RIPK4: variants seen among roughly 807,000 people sequenced by gnomAD.
RIPK4 encodes the protein receptor interacting serine/threonine kinase 4.
Under a neutral mutation model 42.9 loss-of-function variants are expected in RIPK4, and 17 were observed. The ratio of observed to expected loss-of-function variants is 0.40; its 90% confidence interval spans 0.27 to 0.59. The LOEUF is 0.59. Among genes scored for constraint, RIPK4 ranks in the 20% least tolerant of loss-of-function variants. The pLI is 0.47. For synonymous variants in RIPK4, 498 were observed against 499.1 expected, an observed-to-expected ratio of 1.00 and a Z score of 0.03; for missense variants, 897 against 1,104.4, an observed-to-expected ratio of 0.81 and a Z score of 2.66.
At chr21:41,761,651 A>AT (rs1035215405) in intron 1 of RIPK4, among the ~76,000 whole-genome samples, 3 of 152,180 alleles carry the variant, frequency 2.0e-5, no homozygotes, top group African/African-American at 7.2e-5. Flanking sequence ...CGCAAGGGTC[A>AT]TTTTTCCACA....
intron 1 of RIPK4, 84 bp downstream of exon 1, chr21:41,766,776 A>G: frequency 7.1e-7 from 1 of 1,399,474 alleles, no homozygotes. Flanking sequence ...CGGGAGAGAG[A>G]GGCAGGACCC....
rs774933292 is a variant in RIPK4 at position 41,766,934 on chromosome 21, C to A, written c.108G>T (p.Val36=). 1.2e-6 allele frequency: 2 copies of A among 1,610,248 alleles called. No homozygotes were observed. Among genetic ancestry groups the A allele is most frequent in the South Asian group, 2.2e-5 (2 of 90,998 alleles). The part of the protein sequence containing the change: ...EKVGSGGFGQ[V]YKVRHVHWKT... The stretch of plus-strand genomic sequence containing the variant: ...TCCAGTGGACATGGCGCACCTTGTA[C>A]ACCTGCCCGAAGCCGCCCGAGCCCA... The change falls in exon 1 of 8, where the codon GTG becomes GTT. Residue 36 remains valine, a synonymous_variant. Transcript: ENST00000332512.
chr21:41,756,808 A>G lies in RIPK4; in HGVS notation c.191T>C (p.Met64Thr), dbSNP rs759754394. Residue 64 changes from methionine to threonine, a missense_variant, in exon 2 of 8, where the codon ATG (methionine) becomes ACG (threonine). Met to Thr is a moderately conservative substitution (Grantham distance 81, BLOSUM62 -1). Transcript: ENST00000332512. ...CTTCTTGGCTTCTTCCAAAAGCTCC[A>G]TGCGCTCCCTGAAAAAGTTCAAAGG... Reference protein sequence around the residue: ...PSLHVDDRERMELLEEAKKME... With the variant: ...PSLHVDDRERTELLEEAKKME... The G allele has an allele frequency of 5.6e-6, 9 of 1,611,682 alleles. No homozygotes were observed. The East Asian group carries it at 1.3e-4, about 24-fold the overall frequency.
Position 41,756,157 on chromosome 21 carries a change from C to A in RIPK4, c.474+368G>T, listed in dbSNP as rs543373629. ...GGAAATGCGTCCCTTTGTTGCAGAGCCTAAGGTCTCGCAAGGACACACCTG... is the reference window on the plus strand; with the variant it reads ...GGAAATGCGTCCCTTTGTTGCAGAGACTAAGGTCTCGCAAGGACACACCTG... On this transcript the variant is annotated intron_variant, in intron 2 of 7. Coordinates refer to ENST00000332512, the MANE Select transcript of RIPK4 (RefSeq NM_020639.3). Among the ~76,000 whole-genome samples, 12 of 152,292 alleles carry A rather than the reference C, an allele frequency of 7.9e-5. No homozygotes were observed. The South Asian group carries it at 8.3e-4, about 11-fold the overall frequency.
chr21:41,757,907 G>A (rs2061208698), intron 1 of RIPK4, among the ~76,000 whole-genome samples: 1 of 145,848 alleles, frequency 6.9e-6, no homozygotes, highest in African/African-American at 2.6e-5. Flanking sequence ...GCTGAAACAG[G>A]AGAATCACTT....
At chr21:41,763,067 G>T (rs35323584) in intron 1 of RIPK4, among the ~76,000 whole-genome samples, 2 of 152,158 alleles carry the variant, frequency 1.3e-5, no homozygotes, top group Non-Finnish European at 2.9e-5. Flanking sequence ...TGGTGAAAGC[G>T]TTGCTAATTC....
At chr21:41,754,439 C>A (rs1345200804) in intron 2 of RIPK4, among the ~76,000 whole-genome samples, 4 of 152,232 alleles carry the variant, frequency 2.6e-5, no homozygotes, top group Non-Finnish European at 4.4e-5. Context: ...ACACAGGGCC[C>A]TAAGATGTCC....
rs924999289 is a variant in RIPK4, at chr21:41,742,643, G to A, written c.1196-646C>T. On this transcript the variant is annotated intron_variant, in intron 7 of 7. Coordinates refer to ENST00000332512, the MANE Select transcript of RIPK4 (RefSeq NM_020639.3). This position sits in a 1 kb window ranked among gnomAD's most constrained non-coding sequence, Gnocchi z 5.1. ...GCCTGGAATGCTGAAACCCTGCAAC[G>A]AGACTCTCCTCCGCCCTCATGTGAA... is the stretch of plus-strand genomic sequence containing the variant. Among the ~76,000 whole-genome samples the A allele has an allele frequency of 6.6e-6, 1 of 152,188 alleles. No homozygotes were observed. Among genetic ancestry groups the A allele is most frequent in the Non-Finnish European group, 1.5e-5 (1 of 68,038 alleles).
At chr21:41,748,118 C>A (rs1018972569) in intron 4 of RIPK4, among the ~76,000 whole-genome samples, 1 of 152,220 alleles carries the variant, frequency 6.6e-6, no homozygotes, top group African/African-American at 2.4e-5. Context: ...AGGCGACAGG[C>A]GGTCAGACAA....
chr21:41,761,179 G>A (rs1213595934), intron 1 of RIPK4, among the ~76,000 whole-genome samples: 1 of 152,184 alleles, frequency 6.6e-6, no homozygotes, highest in Non-Finnish European at 1.5e-5. Context: ...AGGAAGACGA[G>A]GACCTGATGC....
At position 41,755,761 on chromosome 21, in the gene RIPK4, G is replaced by C. The variant is rs558981612; in HGVS notation, c.474+764C>G. 6.6e-6 allele frequency among the ~76,000 whole-genome samples: 1 copy of C among 152,134 alleles called. No homozygotes were observed. On this transcript the variant is annotated intron_variant, in intron 2 of 7. Transcript: ENST00000332512. The surrounding 1 kb of genome is among the most constrained non-coding windows in gnomAD (Gnocchi z 4.2). ...ACCACGTGGGGAAAAACTACAACGC[G>C]CCAGGTGTAACCACCACATGTCAAC...
intron 4 of RIPK4, 106 bp downstream of exon 4, chr21:41,749,048 G>T: frequency 8.6e-7 from 1 of 1,166,558 alleles, no homozygotes; most frequent in Non-Finnish European, 1.3e-6. Flanking sequence ...ACCTATGGCA[G>T]CGTGGATCAC....
intron 1 of RIPK4, 117 bp downstream of exon 1, chr21:41,766,743 C>G: frequency 1.8e-6 from 2 of 1,125,548 alleles, no homozygotes; most frequent in Non-Finnish European, 1.2e-6. Context: ...GTTTCCCCCC[C>G]GAAGCTGCTC....
rs552178423 is a variant in RIPK4 at position 41,745,918 on chromosome 21, C to T, written c.833-56G>A. Reference sequence around the variant, plus strand: ...GGATGATGACTTCTGCGTACACACGCGTTCCATATAAACGCAGGGCCCCCA... The same window carrying T: ...GGATGATGACTTCTGCGTACACACGTGTTCCATATAAACGCAGGGCCCCCA... On this transcript the variant is annotated intron_variant, in intron 5 of 7. Coordinates refer to ENST00000332512, the MANE Select transcript of RIPK4 (RefSeq NM_020639.3). The T allele has an allele frequency of 2.4e-4, 325 of 1,376,588 alleles. No individual in the cohort carries two copies. In the Middle Eastern group the frequency reaches 2.8e-3, roughly 12 times the overall value. The allele number at this position is 1,376,588 out of a possible 1,614,324, so 85.3% of individuals were successfully genotyped here. A position where few individuals can be genotyped will look rare whatever the true frequency, so the allele number is the denominator to read the frequency against.
intron 2 of RIPK4, among the ~76,000 whole-genome samples, chr21:41,754,731 AC>A (rs1047458274): frequency 2.2e-4 from 31 of 141,106 alleles, no homozygotes; most frequent in African/African-American, 8.3e-4. Context: ...GAGCACTCCC[AC>A]CCCCTCCCAC....
At chr21:41,766,237 G>C (rs1186686457) in intron 1 of RIPK4, among the ~76,000 whole-genome samples, 1 of 152,198 alleles carries the variant, frequency 6.6e-6, no homozygotes, top group East Asian at 1.9e-4. Context: ...CCGAGCCCCG[G>C]AGCTCCACCG....
Position 41,741,432 on chromosome 21 carries a change from C to A in RIPK4, c.1761G>T (p.Lys587Asn). Residue 587 changes from lysine (K) to asparagine (N), a missense_variant, in exon 8 of 8, where the codon AAG becomes AAT. Transcript: ENST00000332512. Reference sequence around the variant, plus strand: ...TCACCCCCGGCTGCTTGGCCAGCAGCTTGACGATGGGCAGGTGGCCCTGCC... The same window carrying A: ...TCACCCCCGGCTGCTTGGCCAGCAGATTGACGATGGGCAGGTGGCCCTGCC... ...AAWQGHLPIVKLLAKQPGVSV... is the reference protein window; with the variant it reads ...AAWQGHLPIVNLLAKQPGVSV... The A allele has an allele frequency of 6.2e-7, 1 of 1,612,926 alleles. No individual in the cohort carries two copies. Among genetic ancestry groups the A allele is most frequent in the Non-Finnish European group, 8.5e-7 (1 of 1,179,942 alleles).
chr21:41,746,303 C>T (rs2061171031), intron 5 of RIPK4: 1 of 593,502 alleles, frequency 1.7e-6, no homozygotes, highest in Non-Finnish European at 3.0e-6. Flanking sequence ...AGGTAAGTCC[C>T]CGGGAAGAGC....
chr21:41,760,853 A>G (rs1420155394), intron 1 of RIPK4, among the ~76,000 whole-genome samples: 2 of 152,212 alleles, frequency 1.3e-5, no homozygotes, highest in East Asian at 3.9e-4. Context: ...AGTATCAGGA[A>G]TGAACGTGAA....
Sources: allele counts gnomAD v4.1 joint callset (sites outside exome capture counted in the v4.1 genomes callset), GRCh38; gene constraint gnomAD v4.1.1; non-coding constraint Gnocchi (gnomAD v3.1); transcripts MANE v1.5; gene names NCBI Gene and HGNC (gene_info 2026-07-23, HGNC 2026-07-21).